The following NCK2 variants were observed in gnomAD, a reference collection of about 807,000 sequenced individuals.
NCK2 encodes the protein NCK adaptor protein 2, also known as cytoplasmic protein NCK2.
NCK2 carries 16 observed loss-of-function variants against 33.9 expected under a neutral mutation model. The ratio of observed to expected loss-of-function variants is 0.47; its 90% CI spans 0.32 to 0.72. NCK2 has a LOEUF of 0.72. NCK2 is among the 30% of genes least tolerant of loss of function. NCK2 has a pLI of 0.03. For synonymous variants in NCK2, 273 were observed against 239.9 expected, an observed-to-expected ratio of 1.14 and a Z score of -1.27; for missense variants, 418 against 537.3, an observed-to-expected ratio of 0.78 and a Z score of 2.19.
intron 3 of NCK2, among the ~76,000 whole-genome samples, chr2:105,860,377 C>T (rs949297826): frequency 7.9e-5 from 12 of 152,334 alleles, no homozygotes; most frequent in East Asian, 7.7e-4. Context: ...GGACCCTACC[C>T]ACCAAGTGCC....
At position 105,780,345 on chromosome 2, in the gene NCK2, C is replaced by T. The variant is rs865775482; in HGVS notation, c.-201+35207C>T. On this transcript the variant is annotated intron_variant, in intron 1 of 4. Transcript: ENST00000233154. The stretch of plus-strand genomic sequence containing the variant: ...ATATATACACACACACACACACACA[C>T]ACACACACACACACACACATTCATC... Among the ~76,000 whole-genome samples the T allele has an allele frequency of 3.2e-3, 490 of 151,886 alleles. 4 individuals are homozygous for T. The highest frequency in any genetic ancestry group is 0.014 in the Middle Eastern group (4 of 294).
intron 3 of NCK2, among the ~76,000 whole-genome samples, chr2:105,873,046 G>C (rs895994222): frequency 6.6e-6 from 1 of 152,186 alleles, no homozygotes; most frequent in Non-Finnish European, 1.5e-5. Flanking sequence ...AAAGGTCACT[G>C]TCCTTCCATA....
At chr2:105,828,107 A>T (rs1676022585) in intron 2 of NCK2, among the ~76,000 whole-genome samples, 2 of 152,200 alleles carry the variant, frequency 1.3e-5, no homozygotes, top group South Asian at 4.1e-4. Flanking sequence ...AAACTTTTTT[A>T]AAAAGAAAAA....
At chr2:105,879,406 T>A (rs1204732095) in intron 3 of NCK2, among the ~76,000 whole-genome samples, 1 of 152,234 alleles carries the variant, frequency 6.6e-6, no homozygotes, top group East Asian at 1.9e-4. Context: ...GGTATCATGG[T>A]GCTTTCATTG....
At chr2:105,784,924 G>A (rs970631044) in intron 1 of NCK2, among the ~76,000 whole-genome samples, 1 of 152,232 alleles carries the variant, frequency 6.6e-6, no homozygotes. Flanking sequence ...GCTTTCTGAA[G>A]CAGGTAGTTG....
Position 105,881,628 on chromosome 2 carries a change from C to T in NCK2, c.527C>T (p.Ser176Phe). Residue 176 changes from serine to phenylalanine, a missense_variant, in exon 4 of 5, where the codon TCC (serine) becomes TTC (phenylalanine). Coordinates refer to ENST00000233154, the MANE Select transcript of NCK2 (RefSeq NM_003581.5). Reference sequence around the variant, plus strand: ...GAGGTGGACGAGGCGGCTGCGGAGTCCCCAAGCTTCCTGAGCCTGCGCAAG... The same window carrying T: ...GAGGTGGACGAGGCGGCTGCGGAGTTCCCAAGCTTCCTGAGCCTGCGCAAG... The part of the protein sequence containing the change: ...LEEVDEAAAE[S>F]PSFLSLRKGA... 1.2e-6 allele frequency: 2 copies of T among 1,613,532 alleles called. No individual in the cohort carries two copies. Among genetic ancestry groups the T allele is most frequent in the Non-Finnish European group, 1.7e-6 (2 of 1,179,792 alleles).
Position 105,811,977 on chromosome 2 carries a change from C to T in NCK2, c.-200-4453C>T, listed in dbSNP as rs1409561389. On this transcript the variant is annotated intron_variant, in intron 1 of 4. Transcript: ENST00000233154. Reference sequence around the variant, plus strand: ...ACTCTAATCAGTCACTTTTCTCCTGCAAACACCTGCCTTGGCCACTCTTTG... The same window carrying T: ...ACTCTAATCAGTCACTTTTCTCCTGTAAACACCTGCCTTGGCCACTCTTTG... 2.6e-5 allele frequency among the ~76,000 whole-genome samples: 4 copies of T among 152,156 alleles called. No individual in the cohort carries two copies. In the East Asian group the frequency reaches 7.7e-4, roughly 29 times the overall value.
chr2:105,857,901 A>G (rs1435629453), intron 3 of NCK2, among the ~76,000 whole-genome samples: 2 of 152,204 alleles, frequency 1.3e-5, no homozygotes, highest in Admixed American at 1.3e-4. Flanking sequence ...ACCATCATGC[A>G]GTAACTTCTG....
At chr2:105,789,450 A>G (rs1424029309) in intron 1 of NCK2, among the ~76,000 whole-genome samples, 1 of 152,260 alleles carries the variant, frequency 6.6e-6, no homozygotes. Context: ...CGGCCTCCCA[A>G]GGTGCTGGGC....
intron 1 of NCK2, among the ~76,000 whole-genome samples, chr2:105,800,974 A>G (rs1205336689): frequency 6.6e-6 from 1 of 152,178 alleles, no homozygotes; most frequent in African/African-American, 2.4e-5. Context: ...GTGTCAGAAG[A>G]TTGGAGACAG....
At chr2:105,797,909 G>A (rs923751542) in intron 1 of NCK2, among the ~76,000 whole-genome samples, 4 of 152,048 alleles carry the variant, frequency 2.6e-5, no homozygotes, top group African/African-American at 7.2e-5. Context: ...TTAAGCTACC[G>A]GCACTAACAG....
At chr2:105,821,696 T>C (rs1419742914) in intron 2 of NCK2, among the ~76,000 whole-genome samples, 1 of 152,074 alleles carries the variant, frequency 6.6e-6, no homozygotes, top group Non-Finnish European at 1.5e-5. Context: ...GGCTTGTCAC[T>C]GCTTGTATAT....
At chr2:105,861,898 T>C (rs1392524645) in intron 3 of NCK2, among the ~76,000 whole-genome samples, 1 of 136,754 alleles carries the variant, frequency 7.3e-6, no homozygotes, top group African/African-American at 2.9e-5. Flanking sequence ...TGGCCTGGAA[T>C]TCTTTCCTCC....
Position 105,881,922 on chromosome 2 carries a change from C to T in NCK2, c.821C>T (p.Pro274Leu). Reference protein sequence around the residue: ...AHAPQISYTGPSSSGRFAGRE... With the variant: ...AHAPQISYTGLSSSGRFAGRE... ...GCCCCACAGATAAGCTACACCGGGC[C>T]CTCGTCCAGCGGGCGCTTCGCGGGC... Residue 274 changes from proline (P) to leucine (L), a missense_variant, in exon 4 of 5, where the codon CCC becomes CTC. Coordinates refer to ENST00000233154, the MANE Select transcript of NCK2 (RefSeq NM_003581.5). The T allele has an allele frequency of 1.9e-6, 3 of 1,563,252 alleles. No homozygotes were observed. Among genetic ancestry groups the T allele is most frequent in the Non-Finnish European group, 2.6e-6 (3 of 1,155,654 alleles).
At chr2:105,852,090 C>T (rs1332512214) in intron 2 of NCK2, among the ~76,000 whole-genome samples, 2 of 152,014 alleles carry the variant, frequency 1.3e-5, no homozygotes, top group African/African-American at 4.8e-5. Flanking sequence ...ATGCAGACCA[C>T]GCATCGGACG....
intron 1 of NCK2, among the ~76,000 whole-genome samples, chr2:105,768,131 C>T (rs1475743450): frequency 1.3e-5 from 2 of 152,222 alleles, no homozygotes; most frequent in Non-Finnish European, 2.9e-5. Context: ...CTTCTGTAGT[C>T]CAACATAACC....
At chr2:105,755,620 G>T (rs1454759933) in intron 1 of NCK2, among the ~76,000 whole-genome samples, 2 of 152,076 alleles carry the variant, frequency 1.3e-5, no homozygotes, top group Non-Finnish European at 2.9e-5. Context: ...ACCTAGATTG[G>T]GAAGTAGAAA....
intron 2 of NCK2, among the ~76,000 whole-genome samples, chr2:105,824,147 GC>G (rs1675855545): frequency 6.6e-6 from 1 of 152,040 alleles, no homozygotes; most frequent in Non-Finnish European, 1.5e-5. Context: ...TTTGGGTTTT[GC>G]TTGTGATTGT....
chr2:105,812,887 T>C (rs1286803992), intron 1 of NCK2, among the ~76,000 whole-genome samples: 1 of 151,792 alleles, frequency 6.6e-6, no homozygotes, highest in Non-Finnish European at 1.5e-5. Flanking sequence ...TTGGTGTGTG[T>C]ACATTCATGG....
Sources: gnomAD v4.1 joint callset for allele counts (sites outside exome capture counted in the v4.1 genomes callset) on GRCh38, gnomAD v4.1.1 for gene constraint, MANE v1.5 for transcripts, NCBI Gene and HGNC (gene_info 2026-07-23, HGNC 2026-07-21) for gene names.